Variants in CENPP observed in about 807,000 individuals in gnomAD.
CENPP encodes centromere protein P.
A neutral mutation model predicts 35.6 loss-of-function variants in CENPP; 24 were observed. The ratio of observed to expected loss-of-function variants is 0.67; its 90% CI spans 0.49 to 0.95. CENPP has a LOEUF of 0.95. CENPP is among the 40% of genes least tolerant of loss of function. The pLI, the probability that CENPP is intolerant of heterozygous loss-of-function variation, is 0.00. For synonymous variants in CENPP, 120 were observed against 125.5 expected (o/e 0.96, Z 0.29); for missense variants, 332 against 345.3 (o/e 0.96, Z 0.31).
intron 5 of CENPP, among the ~76,000 whole-genome samples, chr9:92,390,911 G>A (rs1298844071): frequency 6.6e-6 from 1 of 152,068 alleles, no homozygotes. Flanking sequence ...GCATATCACA[G>A]CCTTTTTGTG....
At chr9:92,515,178 T>C in intron 5 of CENPP, 1 of 1,601,708 alleles carries the variant, frequency 6.2e-7, no homozygotes, top group East Asian at 2.2e-5. Flanking sequence ...CATTTAATGC[T>C]ATACCACTGA....
At position 92,516,707 on chromosome 9, in the gene CENPP, G is replaced by A. The variant is rs138799032; in HGVS notation, c.565-94607G>A. On this transcript the variant is annotated intron_variant, in intron 5 of 7. Transcript: ENST00000375587. ...TCTGAAAAAATTTCTGAGAATTTGTGACTCTTACTTTGTAAACCTTGTATT... is the reference window on the plus strand; with the variant it reads ...TCTGAAAAAATTTCTGAGAATTTGTAACTCTTACTTTGTAAACCTTGTATT... 17 of 152,244 alleles carry A rather than the reference G, an allele frequency of 1.1e-4. No homozygotes were observed. In the East Asian group the frequency reaches 3.1e-3, roughly 28 times the overall value. 9.4% of individuals were successfully genotyped at this position (152,244 alleles called of 1,614,324 possible).
chr9:92,513,039 C>T (rs1847452116), intron 5 of CENPP, among the ~76,000 whole-genome samples: 1 of 152,140 alleles, frequency 6.6e-6, no homozygotes, highest in Admixed American at 6.5e-5. Context: ...CACAGATGGC[C>T]ATCTCTGCAC....
At chr9:92,524,575 T>A (rs1848275659) in intron 5 of CENPP, among the ~76,000 whole-genome samples, 1 of 152,066 alleles carries the variant, frequency 6.6e-6, no homozygotes, top group Non-Finnish European at 1.5e-5. Context: ...AACACACACA[T>A]ACTCACATAC....
rs1320941623 is a variant in CENPP at position 92,616,662 on chromosome 9, G to A, written c.*3513G>A. On this transcript the variant is annotated 3_prime_UTR_variant, in exon 8 of 8. Coordinates refer to ENST00000375587, the MANE Select transcript of CENPP (RefSeq NM_001012267.3). ...TCAGTCCTTTGTATTTTGCTTCTCA[G>A]GGCTTAGTTTTGTGGTTTTAACCTC... 2.0e-5 allele frequency: 3 copies of A among 152,448 alleles called. No homozygotes were observed. Among genetic ancestry groups the A allele is most frequent in the Non-Finnish European group, 2.9e-5 (2 of 68,340 alleles). The allele number at this position is 152,448 out of a possible 1,614,324, so 9.4% of individuals were successfully genotyped here.
chr9:92,454,182 A>G (rs1421571508), intron 5 of CENPP, among the ~76,000 whole-genome samples: 1 of 152,136 alleles, frequency 6.6e-6, no homozygotes, highest in Non-Finnish European at 1.5e-5. Context: ...TATGATTTTT[A>G]TTAGTGATTT....
intron 5 of CENPP, chr9:92,517,991 T>C (rs974284514): frequency 2.1e-5 from 24 of 1,165,052 alleles, no homozygotes; most frequent in Non-Finnish European, 7.3e-6. Flanking sequence ...TAGAATTCTA[T>C]GTGCATTCAT....
At chr9:92,515,869 C>T (rs145163003) in intron 5 of CENPP, among the ~76,000 whole-genome samples, 1 of 152,264 alleles carries the variant, frequency 6.6e-6, no homozygotes, top group Non-Finnish European at 1.5e-5. Flanking sequence ...GTTGCTTTAA[C>T]TTAGACATAT....
At chr9:92,336,503 A>G (rs1250600902) in intron 2 of CENPP, among the ~76,000 whole-genome samples, 3 of 152,140 alleles carry the variant, frequency 2.0e-5, no homozygotes, top group South Asian at 2.1e-4. Flanking sequence ...TCATTTGTCC[A>G]TGTGCTATCT....
chr9:92,436,511 G>A (rs189240130), intron 5 of CENPP, among the ~76,000 whole-genome samples: 109 of 152,146 alleles, frequency 7.2e-4, no homozygotes, highest in African/African-American at 2.5e-3. Flanking sequence ...CTTCATCTAT[G>A]TTATTTTCTA....
intron 5 of CENPP, among the ~76,000 whole-genome samples, chr9:92,406,886 A>G (rs1463931489): frequency 2.6e-5 from 4 of 152,156 alleles, no homozygotes; most frequent in African/African-American, 9.7e-5. Flanking sequence ...TATTACCCGC[A>G]CTTCTGATAC....
chr9:92,389,787 C>A, intron 5 of CENPP: 2 of 1,048,742 alleles, frequency 1.9e-6, no homozygotes, highest in Non-Finnish European at 1.4e-6. Context: ...AATTCTAGAC[C>A]AAAGTTTCTC....
intron 5 of CENPP, among the ~76,000 whole-genome samples, chr9:92,568,788 G>T (rs1850061025): frequency 6.6e-6 from 1 of 152,190 alleles, no homozygotes; most frequent in Admixed American, 6.5e-5. Flanking sequence ...TAACTGGTGT[G>T]AGATGGTATC....
intron 5 of CENPP, chr9:92,517,969 A>G (rs1847828637): frequency 7.1e-7 from 1 of 1,405,506 alleles, no homozygotes; most frequent in Non-Finnish European, 9.8e-7. Flanking sequence ...AACTGCTCTA[A>G]CCACACAAGA....
chr9:92,451,027 T>G (rs1844693271), intron 5 of CENPP, among the ~76,000 whole-genome samples: 1 of 151,820 alleles, frequency 6.6e-6, no homozygotes, highest in African/African-American at 2.4e-5. Context: ...TTGCAAAAAT[T>G]TTCTCCCATT....
chr9:92,522,110 G>A (rs945001020), intron 5 of CENPP, among the ~76,000 whole-genome samples: 4 of 152,056 alleles, frequency 2.6e-5, no homozygotes, highest in South Asian at 4.2e-4. Context: ...ATCTCGAGAC[G>A]GAGTCTTGCT....
rs1162543527 is a variant in CENPP, at chr9:92,614,725, A to G, written c.*1576A>G. The G allele has an allele frequency of 6.5e-6, 1 of 152,680 alleles. No homozygotes were observed. The highest frequency in any genetic ancestry group is 2.4e-5 in the African/African-American group (1 of 41,464). The allele number at this position is 152,680 out of a possible 1,614,324, so 9.5% of individuals were successfully genotyped here. A position where few individuals can be genotyped will look rare whatever the true frequency, so the allele number is the denominator to read the frequency against. On this transcript the variant is annotated 3_prime_UTR_variant, in exon 8 of 8. Transcript: ENST00000375587. ...CCTCCATTAGTCCCTCAAAACGATG[A>G]TATAAATAAGTCTGTACAACCTAGC...
chr9:92,494,772 T>C (rs1846273253), intron 5 of CENPP, among the ~76,000 whole-genome samples: 2 of 152,060 alleles, frequency 1.3e-5, no homozygotes, highest in South Asian at 2.1e-4. Context: ...CGGGGAGTGG[T>C]GACGCATGCC....
In CENPP at chr9:92,347,958, C is replaced by T. The variant is rs58199558; in HGVS notation, c.467+2171C>T. 5.9e-3 allele frequency among the ~76,000 whole-genome samples: 891 copies of T among 152,182 alleles called. 9 individuals carry two copies. The highest frequency in any genetic ancestry group is 0.02 in the African/African-American group (826 of 41,494). On this transcript the variant is annotated intron_variant, in intron 4 of 7. Transcript: ENST00000375587. ...TTTTGTTTTGAGATGGAGTCTTACT[C>T]GGTCACCCAGGCTAGAGTGGAATGG...
Sources: allele counts gnomAD v4.1 joint callset (sites outside exome capture counted in the v4.1 genomes callset), GRCh38; gene constraint gnomAD v4.1.1; transcripts MANE v1.5; gene names NCBI Gene and HGNC (gene_info 2026-07-23, HGNC 2026-07-21).